SLC41A2: variants seen among roughly 807,000 people sequenced by gnomAD.
SLC41A2 encodes the protein SLC41A1-like 1.
Under a neutral mutation model 58.3 loss-of-function variants are expected in SLC41A2, and 32 were observed. The observed-to-expected ratio is 0.55, with a 90% CI of 0.41 to 0.74. The LOEUF is 0.74. Among genes scored for constraint, SLC41A2 ranks in the 30% least tolerant of loss-of-function variants. The pLI, the probability that SLC41A2 is intolerant of heterozygous loss-of-function variation, is 0.00. For missense variants in SLC41A2, 514 were observed against 680.6 expected, an observed-to-expected ratio of 0.76 and a Z score of 2.72; for synonymous variants, 190 against 235.0, an observed-to-expected ratio of 0.81 and a Z score of 1.75.
chr12:104,910,608 C>A (rs1305895801), intron 2 of SLC41A2, among the ~76,000 whole-genome samples: 1 of 152,036 alleles, frequency 6.6e-6, no homozygotes, highest in African/African-American at 2.4e-5. Flanking sequence ...GGGAAGGGGG[C>A]GGGTCAGACA....
At chr12:104,906,591 G>A (rs972386543) in intron 3 of SLC41A2, among the ~76,000 whole-genome samples, 2 of 152,082 alleles carry the variant, frequency 1.3e-5, no homozygotes. Context: ...GGATATATTT[G>A]TCAAGGTACA....
At chr12:104,822,948 T>G (rs1166096556) in intron 10 of SLC41A2, among the ~76,000 whole-genome samples, 4 of 152,106 alleles carry the variant, frequency 2.6e-5, no homozygotes, top group Admixed American at 2.6e-4. Flanking sequence ...CTGAGAAATT[T>G]GAAAACTATA....
At chr12:104,853,926 T>TTTATTTTTTTTA (rs1565842738) in intron 8 of SLC41A2, among the ~76,000 whole-genome samples, 1 of 118,850 alleles carries the variant, frequency 8.4e-6, no homozygotes, top group African/African-American at 3.1e-5. Flanking sequence ...TTTTTTTTTT[T>TTTATTTTTTTTA]TTTTTTTTTT....
chr12:104,879,818 T>C (rs1055986629), intron 6 of SLC41A2, among the ~76,000 whole-genome samples: 1 of 152,156 alleles, frequency 6.6e-6, no homozygotes, highest in Non-Finnish European at 1.5e-5. Flanking sequence ...AGTAGTTTTT[T>C]CCAATTCTGT....
chr12:104,863,424 G>T (rs960036215), intron 7 of SLC41A2, among the ~76,000 whole-genome samples: 3 of 151,836 alleles, frequency 2.0e-5, no homozygotes, highest in Admixed American at 1.3e-4. Context: ...AACACGGCGA[G>T]ACACAATCTC....
intron 2 of SLC41A2, among the ~76,000 whole-genome samples, chr12:104,924,200 T>C (rs917643706): frequency 3.3e-5 from 5 of 152,170 alleles, no homozygotes; most frequent in Non-Finnish European, 7.4e-5. Context: ...GAAATCTCTA[T>C]TAAAACGACA....
At chr12:104,813,855 C>T (rs972350620) in intron 10 of SLC41A2, among the ~76,000 whole-genome samples, 22 of 152,168 alleles carry the variant, frequency 1.4e-4, no homozygotes, top group Admixed American at 3.9e-4. Flanking sequence ...AGGCTGGTCT[C>T]GAACTCCTGA....
chr12:104,935,335 C>CA (rs958649573), intron 1 of SLC41A2, among the ~76,000 whole-genome samples: 15 of 144,480 alleles, frequency 1.0e-4, no homozygotes, highest in South Asian at 4.4e-4. Flanking sequence ...TTCAAAATGC[C>CA]AAAAAAAAAT....
intron 3 of SLC41A2, among the ~76,000 whole-genome samples, chr12:104,906,913 T>C (rs1314718081): frequency 6.6e-6 from 1 of 152,210 alleles, no homozygotes; most frequent in Non-Finnish European, 1.5e-5. Flanking sequence ...AGCTTACATA[T>C]ACCTCCTCAG....
At chr12:104,934,198 A>T (rs544180788) in intron 1 of SLC41A2, among the ~76,000 whole-genome samples, 3 of 152,330 alleles carry the variant, frequency 2.0e-5, no homozygotes, top group South Asian at 4.1e-4. Context: ...AAAGTAAATT[A>T]AAAAAATAAG....
intron 3 of SLC41A2, among the ~76,000 whole-genome samples, chr12:104,901,832 G>T (rs2045579885): frequency 6.6e-6 from 1 of 152,114 alleles, no homozygotes; most frequent in South Asian, 2.1e-4. Flanking sequence ...AGAATAACAA[G>T]CTTTAAAAAC....
intron 8 of SLC41A2, among the ~76,000 whole-genome samples, chr12:104,855,463 A>T (rs2042985662): frequency 6.6e-6 from 1 of 152,178 alleles, no homozygotes; most frequent in Non-Finnish European, 1.5e-5. Flanking sequence ...AATACTATAT[A>T]ATTTGGTTTT....
chr12:104,895,367 T>C (rs751874651), intron 3 of SLC41A2, 22 bp from the exon 4 acceptor site: 7 of 1,554,492 alleles, frequency 4.5e-6, no homozygotes, highest in East Asian at 2.3e-5. Context: ...GATATTTTCA[T>C]GTATCACTGA....
intron 1 of SLC41A2, among the ~76,000 whole-genome samples, chr12:104,937,937 T>G (rs1239178100): frequency 6.6e-6 from 1 of 152,212 alleles, no homozygotes; most frequent in East Asian, 1.9e-4. Context: ...TGTGCAAGTA[T>G]AAACTGCCAA....
intron 8 of SLC41A2, among the ~76,000 whole-genome samples, chr12:104,847,307 T>C (rs559715230): frequency 2.0e-5 from 3 of 151,970 alleles, no homozygotes; most frequent in South Asian, 2.1e-4. Flanking sequence ...GAATAAAGTT[T>C]AAGAAGGTCA....
chr12:104,809,006 G>A (rs1450284513), intron 10 of SLC41A2, among the ~76,000 whole-genome samples: 3 of 152,166 alleles, frequency 2.0e-5, no homozygotes, highest in African/African-American at 7.2e-5. Context: ...GTGGTTAAAA[G>A]CACTTCTTTA....
chr12:104,953,762 T>C (rs939005539), intron 1 of SLC41A2, among the ~76,000 whole-genome samples: 1 of 152,214 alleles, frequency 6.6e-6, no homozygotes, highest in African/African-American at 2.4e-5. Context: ...TAAATTCTTA[T>C]CTGGCTTGAG....
At chr12:104,878,999 G>A (rs1323851202) in intron 6 of SLC41A2, among the ~76,000 whole-genome samples, 1 of 152,114 alleles carries the variant, frequency 6.6e-6, no homozygotes, top group Non-Finnish European at 1.5e-5. Flanking sequence ...TTTAATGACC[G>A]CCATTCTAAC....
chr12:104,878,235 A>G (rs1389538371), intron 6 of SLC41A2, among the ~76,000 whole-genome samples: 1 of 150,952 alleles, frequency 6.6e-6, no homozygotes, highest in East Asian at 1.9e-4. Flanking sequence ...GCAGCTGAAA[A>G]ATGTGTTATA....
Sources: allele counts gnomAD v4.1 joint callset (sites outside exome capture counted in the v4.1 genomes callset), GRCh38; gene constraint gnomAD v4.1.1; transcripts MANE v1.5; gene names NCBI Gene and HGNC (gene_info 2026-07-23, HGNC 2026-07-21).